Variants in CEP70 observed in about 807,000 individuals in gnomAD.
The protein encoded by CEP70 is centrosomal protein 70.
Under a neutral mutation model 90.9 loss-of-function variants are expected in CEP70, and 70 were observed. The observed-to-expected ratio is 0.77, with a 90% CI of 0.64 to 0.94. The LOEUF is 0.94. Among genes scored for constraint, CEP70 ranks in the 40% least tolerant of loss-of-function variants. CEP70 has a pLI of 0.00. For missense variants in CEP70, 648 were observed against 669.0 expected, an observed-to-expected ratio of 0.97 and a Z score of 0.35; for synonymous variants, 220 against 228.3, an observed-to-expected ratio of 0.96 and a Z score of 0.33.
chr3:138,497,898 T>C (rs1038995929), intron 17 of CEP70, 133 bp downstream of exon 17: 1 of 1,496,014 alleles, frequency 6.7e-7, no homozygotes. Context: ...TTGTAAGGAA[T>C]GTGTTTCCAG....
At chr3:138,557,666 G>T (rs1000079825) in intron 6 of CEP70, among the ~76,000 whole-genome samples, 1 of 152,186 alleles carries the variant, frequency 6.6e-6, no homozygotes, top group African/African-American at 2.4e-5. Flanking sequence ...GAGGGAAAGG[G>T]TGAAAAGGGA....
At chr3:138,538,263 G>C (rs935733422) in intron 6 of CEP70, among the ~76,000 whole-genome samples, 1 of 152,162 alleles carries the variant, frequency 6.6e-6, no homozygotes, top group African/African-American at 2.4e-5. Context: ...CTCAGCCAAA[G>C]AAGATGCTAA....
chr3:138,546,075 C>G (rs2039174050), intron 6 of CEP70, among the ~76,000 whole-genome samples: 2 of 152,142 alleles, frequency 1.3e-5, no homozygotes, highest in African/African-American at 4.8e-5. Context: ...CACCCCCTCC[C>G]CTTTTAAAGT....
chr3:138,572,762 G>C (rs2041262812), intron 3 of CEP70, 97 bp downstream of exon 3: 1 of 828,126 alleles, frequency 1.2e-6, no homozygotes, highest in Admixed American at 2.0e-5. Flanking sequence ...AATTATTTGA[G>C]AAAGAATCCT....
At chr3:138,497,619 T>C (rs1486189958) in intron 17 of CEP70, 2 of 956,950 alleles carry the variant, frequency 2.1e-6, no homozygotes, top group African/African-American at 1.8e-5. Flanking sequence ...TGTTACTTCA[T>C]ATAACCAGAG....
chr3:138,504,399 A>G (rs2034792158), intron 13 of CEP70, among the ~76,000 whole-genome samples: 1 of 152,238 alleles, frequency 6.6e-6, no homozygotes, highest in African/African-American at 2.4e-5. Flanking sequence ...TTTAACAAAT[A>G]TTAATTGAGC....
At chr3:138,553,290 T>G (rs34640717) in intron 6 of CEP70, among the ~76,000 whole-genome samples, 6,422 of 152,028 alleles carry the variant, frequency 0.042, 464 homozygotes, top group East Asian at 0.37. Context: ...CCATCCTGGC[T>G]AACACGGTGA....
intron 6 of CEP70, among the ~76,000 whole-genome samples, chr3:138,543,309 C>T (rs145632595): frequency 1.8e-4 from 27 of 152,328 alleles, no homozygotes; most frequent in Non-Finnish European, 3.4e-4. Flanking sequence ...CTGCGCTCGT[C>T]GGCATCCAAA....
At chr3:138,522,294 TAAAA>T (rs71626068) in intron 11 of CEP70, among the ~76,000 whole-genome samples, 3 of 105,710 alleles carry the variant, frequency 2.8e-5, no homozygotes, top group Non-Finnish European at 4.3e-5. Flanking sequence ...CTAAAAAAAT[TAAAA>T]AAAAAAAAAA....
At position 138,551,574 on chromosome 3, in the gene CEP70, C is replaced by T. The variant is rs536218545; in HGVS notation, c.466-14227G>A. Among the ~76,000 whole-genome samples the T allele has an allele frequency of 2.0e-4, 31 of 151,886 alleles. No individual in the cohort carries two copies. In the East Asian group the frequency reaches 4.3e-3, roughly 21 times the overall value. On this transcript the variant is annotated intron_variant, in intron 6 of 17. Coordinates refer to ENST00000264982, the MANE Select transcript of CEP70 (RefSeq NM_024491.4). ...CAGCCTGGCCAACATAGTGAAACCC[C>T]GTCTCTACTAAAAATACAAAAATTC...
chr3:138,588,719 T>C (rs1289061535), intron 2 of CEP70, among the ~76,000 whole-genome samples: 2 of 152,230 alleles, frequency 1.3e-5, no homozygotes, highest in Non-Finnish European at 2.9e-5. Context: ...GACCCAGTCA[T>C]GCCATTCCTA....
At chr3:138,575,503 T>C (rs894271849) in intron 2 of CEP70, among the ~76,000 whole-genome samples, 2 of 152,098 alleles carry the variant, frequency 1.3e-5, no homozygotes, top group Non-Finnish European at 2.9e-5. Flanking sequence ...ATGGGGGGAA[T>C]GGAACCAAGC....
intron 3 of CEP70, among the ~76,000 whole-genome samples, chr3:138,572,449 G>C (rs923579025): frequency 2.0e-5 from 3 of 152,130 alleles, no homozygotes; most frequent in African/African-American, 7.2e-5. Flanking sequence ...AACTTCTACT[G>C]TAACTCATAA....
rs535791525 is a variant in CEP70 at position 138,555,240 on chromosome 3, C to T, written c.465+15078G>A. Among the ~76,000 whole-genome samples the T allele has an allele frequency of 7.5e-4, 81 of 108,230 alleles. 1 individual carries two copies. The highest frequency in any genetic ancestry group is 4.5e-3 in the Admixed American group (39 of 8,696). 71.0% of individuals were successfully genotyped at this position (108,230 alleles called of 152,430 possible). On this transcript the variant is annotated intron_variant, in intron 6 of 17. Transcript: ENST00000264982. ...CTCCAGTCTGGGTGACAGATTGAGA[C>T]TCCATCTCAAAAAAAAAAAAAATCA...
intron 16 of CEP70, among the ~76,000 whole-genome samples, chr3:138,498,542 GC>G (rs1321253761): frequency 1.3e-5 from 2 of 151,306 alleles, no homozygotes; most frequent in African/African-American, 4.9e-5. Context: ...CACCGTGTTA[GC>G]CAGGATGGTC....
chr3:138,566,093 C>T (rs2040766429), intron 6 of CEP70, among the ~76,000 whole-genome samples: 1 of 152,180 alleles, frequency 6.6e-6, no homozygotes, highest in Admixed American at 6.5e-5. Flanking sequence ...TATCACTGGT[C>T]ATTAGAGAAA....
At chr3:138,582,769 A>C (rs1193748017) in intron 2 of CEP70, among the ~76,000 whole-genome samples, 2 of 152,086 alleles carry the variant, frequency 1.3e-5, no homozygotes, top group African/African-American at 4.8e-5. Flanking sequence ...ATCTCAAAAA[A>C]ATAAAAATAA....
At chr3:138,563,538 G>T (rs1433933537) in intron 6 of CEP70, among the ~76,000 whole-genome samples, 2 of 152,182 alleles carry the variant, frequency 1.3e-5, no homozygotes, top group Non-Finnish European at 2.9e-5. Context: ...TAAGGATTAA[G>T]AAACTCACTC....
intron 6 of CEP70, among the ~76,000 whole-genome samples, chr3:138,553,185 A>G (rs1169055582): frequency 1.3e-5 from 2 of 152,020 alleles, no homozygotes; most frequent in Non-Finnish European, 2.9e-5. Flanking sequence ...CTGCCTTCAA[A>G]AAAAAAAATA....
Sources: allele counts gnomAD v4.1 joint callset (sites outside exome capture counted in the v4.1 genomes callset), GRCh38; gene constraint gnomAD v4.1.1; transcripts MANE v1.5; gene names NCBI Gene and HGNC (gene_info 2026-07-23, HGNC 2026-07-21).